CRYZ: variants seen among roughly 807,000 people sequenced by gnomAD.
CRYZ encodes crystallin zeta.
A neutral mutation model predicts 34.1 loss-of-function variants in CRYZ; 35 were observed. That is an observed-to-expected ratio of 1.03 (90% CI 0.78 to 1.36). The LOEUF is 1.36. Among genes scored for constraint, CRYZ ranks in the 40% most tolerant of loss-of-function variants. The pLI is 0.00. For synonymous variants in CRYZ, 137 were observed against 136.5 expected, an observed-to-expected ratio of 1.00 and a Z score of -0.03; for missense variants, 403 against 391.8, an observed-to-expected ratio of 1.03 and a Z score of -0.24.
At position 74,714,617 on chromosome 1, in the gene CRYZ, C is replaced by G. The variant is rs765762437; in HGVS notation, c.442G>C (p.Ala148Pro). ...RALIHSACVK[A>P]GESVLVHGAS... is the part of the protein sequence containing the mutation. The stretch of plus-strand genomic sequence containing the variant: ...CCATGAACCAGAACACTCTCTCCAG[C>G]TTTCACACAGGCACTGCAAAGGAAA... Residue 148 changes from alanine to proline, a missense_variant, in exon 5 of 9, where the codon GCT (alanine) becomes CCT (proline). Physicochemically the swap from Ala to Pro is conservative, Grantham distance 27 (BLOSUM62 -1). Transcript: ENST00000340866. 1 of 1,613,732 alleles carries G rather than the reference C, an allele frequency of 6.2e-7. No homozygotes were observed. Among genetic ancestry groups the G allele is most frequent in the South Asian group, 1.1e-5 (1 of 91,068 alleles).
chr1:74,731,253 C>A (rs75917962), intron 1 of CRYZ, among the ~76,000 whole-genome samples: 2,213 of 151,818 alleles, frequency 0.015, 26 homozygotes, highest in East Asian at 0.055. Flanking sequence ...TTGATTTAAA[C>A]GAAAATTAAA....
intron 4 of CRYZ, among the ~76,000 whole-genome samples, chr1:74,718,553 C>T (rs1270824947): frequency 6.6e-6 from 1 of 152,112 alleles, no homozygotes; most frequent in South Asian, 2.1e-4. Flanking sequence ...CTCTTGAAAT[C>T]TCTTCTCTAA....
At chr1:74,720,469 A>G (rs1647144332) in intron 3 of CRYZ, among the ~76,000 whole-genome samples, 1 of 152,156 alleles carries the variant, frequency 6.6e-6, no homozygotes, top group Non-Finnish European at 1.5e-5. Context: ...TAATTTGCAC[A>G]TTAGGGAAAA....
At chr1:74,708,704 G>C (rs774670883) in intron 6 of CRYZ, 1 of 152,130 alleles carries the variant, frequency 6.6e-6, no homozygotes, top group Non-Finnish European at 1.5e-5. Flanking sequence ...CTAGCGGGTT[G>C]ATGGCATGAA....
At chr1:74,713,580 G>A (rs1159800384) in intron 5 of CRYZ, among the ~76,000 whole-genome samples, 1 of 152,100 alleles carries the variant, frequency 6.6e-6, no homozygotes, top group African/African-American at 2.4e-5. Flanking sequence ...AGCTAGGTGT[G>A]AAACCTCGTG....
intron 3 of CRYZ, 50 bp from the exon 4 acceptor site, chr1:74,719,422 T>G: frequency 2.0e-6 from 3 of 1,511,456 alleles, no homozygotes; most frequent in Non-Finnish European, 1.8e-6. Flanking sequence ...ACATATTATG[T>G]CAAAATAGGT....
rs533146125 is a variant in CRYZ at position 74,722,995 on chromosome 1, C to T, written c.264+123G>A. 42 of 914,446 alleles carry T rather than the reference C, an allele frequency of 4.6e-5. No individual in the cohort carries two copies. The African/African-American group carries it at 5.9e-4, about 13-fold the overall frequency. The allele number at this position is 914,446 out of a possible 1,614,324, so 56.6% of individuals were successfully genotyped here. ...TCCTTTTTTGACTAGAGGAGTCCCC[C>T]GAGTGGCAGAAATTGTGTAATGGGG... On this transcript the variant is annotated intron_variant, in intron 3 of 8. Transcript: ENST00000340866.
rs1215358190 is a variant in CRYZ at position 74,706,361 on chromosome 1, C to T, written c.925G>A (p.Ala309Thr). The change falls in exon 9 of 9, where the codon GCC (alanine) becomes ACC (threonine). Residue 309 changes from alanine to threonine, a missense_variant. Transcript: ENST00000340866. ...IGSQYPLEKV[A>T]EAHENIIHGS... ...TGAATGATATTTTCATGAGCCTCGG[C>T]CACCTTCTCCAATGGATATTGAGAA... The T allele has an allele frequency of 1.2e-6, 2 of 1,612,970 alleles. No individual in the cohort carries two copies. Among genetic ancestry groups the T allele is most frequent in the Non-Finnish European group, 8.5e-7 (1 of 1,179,340 alleles).
chr1:74,717,009 A>C (rs1248858500), intron 4 of CRYZ, among the ~76,000 whole-genome samples: 1 of 152,062 alleles, frequency 6.6e-6, no homozygotes, highest in African/African-American at 2.4e-5. Context: ...CTCCTACTTA[A>C]TTGTGAAAAG....
At chr1:74,724,869 T>C (rs1302187317) in intron 1 of CRYZ, 35 bp from the exon 2 acceptor site, 1 of 1,231,328 alleles carries the variant, frequency 8.1e-7, no homozygotes, top group East Asian at 2.3e-5. Context: ...ATTGTCACAT[T>C]GTATCTAGGA....
At chr1:74,718,585 G>C (rs1647108784) in intron 4 of CRYZ, among the ~76,000 whole-genome samples, 1 of 152,008 alleles carries the variant, frequency 6.6e-6, no homozygotes. Context: ...TTCTATAGCT[G>C]TTCCCACACA....
chr1:74,721,627 C>T (rs977121189), intron 3 of CRYZ, among the ~76,000 whole-genome samples: 1 of 152,048 alleles, frequency 6.6e-6, no homozygotes, highest in South Asian at 2.1e-4. Flanking sequence ...ATAGCCTGAA[C>T]TAAACTACTG....
At chr1:74,728,417 T>C (rs972281941) in intron 1 of CRYZ, among the ~76,000 whole-genome samples, 2 of 152,236 alleles carry the variant, frequency 1.3e-5, no homozygotes, top group Admixed American at 1.3e-4. Flanking sequence ...ATGAAAGGTT[T>C]TGACTATATC....
At chr1:74,727,901 C>G (rs1323158908) in intron 1 of CRYZ, among the ~76,000 whole-genome samples, 5 of 152,136 alleles carry the variant, frequency 3.3e-5, no homozygotes, top group Non-Finnish European at 7.3e-5. Context: ...CTGCTTCTGT[C>G]CCACCCTTTC....
chr1:74,722,307 G>A (rs1457420517), intron 3 of CRYZ, among the ~76,000 whole-genome samples: 1 of 152,058 alleles, frequency 6.6e-6, no homozygotes, highest in African/African-American at 2.4e-5. Context: ...ATGTCACAGA[G>A]AAATCAAGAA....
In CRYZ at chr1:74,723,223, G is replaced by A. The variant is rs181177897; in HGVS notation, c.159C>T (p.Tyr53=). The change falls in exon 3 of 9, where the codon TAC becomes TAT. Residue 53 remains tyrosine (Y), a synonymous_variant. Transcript: ENST00000340866. ...HACGVNPVET[Y]IRSGTYSRKP... ...TTCTACTATAAGTACCAGAGCGAAT[G>A]TATGTCTCCACGGGGTTGACACCAC... 2 of 1,613,978 alleles carry A rather than the reference G, an allele frequency of 1.2e-6. No homozygotes were observed. Among genetic ancestry groups the A allele is most frequent in the East Asian group, 2.2e-5 (1 of 44,872 alleles).
At position 74,706,424 on chromosome 1, in the gene CRYZ, C is replaced by T. The variant is rs745674835; in HGVS notation, c.862G>A (p.Ala288Thr). Residue 288 changes from alanine to threonine, a missense_variant, in exon 9 of 9, where the codon GCT (alanine) becomes ACT (threonine). By Grantham distance (58) the Ala-to-Thr change is moderately conservative (BLOSUM62 0). Transcript: ENST00000340866. ...TTCAACCAGCCAATTTCCATTCCAG[C>T]TTGAAGGGCTGCTGCATATTGCTGA... ...EFQQYAAALQ[A>T]GMEIGWLKPV... The T allele has an allele frequency of 1.2e-5, 20 of 1,609,690 alleles. No individual in the cohort carries two copies. Among genetic ancestry groups the T allele is most frequent in the Non-Finnish European group, 1.6e-5 (19 of 1,178,730 alleles).
chr1:74,710,703 T>G (rs1196168845), intron 5 of CRYZ, among the ~76,000 whole-genome samples: 2 of 151,344 alleles, frequency 1.3e-5, no homozygotes, highest in Non-Finnish European at 2.9e-5. Flanking sequence ...AAATAACAAA[T>G]GTAAGGCCTC....
Position 74,706,286 on chromosome 1 carries a change from G to C in CRYZ, c.*10C>G, listed in dbSNP as rs1439722371. 2.5e-6 allele frequency: 4 copies of C among 1,591,422 alleles called. No individual in the cohort carries two copies. On this transcript the variant is annotated 3_prime_UTR_variant, in exon 9 of 9. Transcript: ENST00000340866. The stretch of plus-strand genomic sequence containing the variant: ...CTAATTACATAGGAAATCCATGAAA[G>C]AATTAATCATCATAAGAGAAGAATC...
Sources: gnomAD v4.1 joint callset for allele counts (sites outside exome capture counted in the v4.1 genomes callset) on GRCh38, gnomAD v4.1.1 for gene constraint, MANE v1.5 for transcripts, NCBI Gene and HGNC (gene_info 2026-07-23, HGNC 2026-07-21) for gene names.